PPP2R2B: variants seen among roughly 807,000 people sequenced by gnomAD.
PPP2R2B encodes protein phosphatase 2 regulatory subunit Bbeta, also known as serine/threonine-protein phosphatase 2A 55 kDa regulatory subunit B beta isoform.
In PPP2R2B, 5 loss-of-function variants were observed where a neutral mutation model predicts 46.0. That is an observed-to-expected ratio of 0.11 (90% CI 0.06 to 0.23). The LOEUF (loss-of-function observed/expected upper bound fraction) is 0.23. PPP2R2B is among the 10% of genes least tolerant of loss of function. PPP2R2B has a pLI of 1.00. For missense variants in PPP2R2B, 367 were observed against 575.0 expected (o/e 0.64, Z 3.70); for synonymous variants, 215 against 206.7 (o/e 1.04, Z -0.34).
At position 146,671,545 on chromosome 5, in the gene PPP2R2B, C is replaced by T. The variant is rs369336730; in HGVS notation, c.447+19583G>A. On this transcript the variant is annotated intron_variant, in intron 5 of 9. Coordinates refer to ENST00000394411, the MANE Select transcript of PPP2R2B (RefSeq NM_181675.4). ...AATCATGACACAGTAGTGCCTAATA[C>T]TTACTGTGGGCTTTCTGTGTGCCAC... 5.3e-5 allele frequency among the ~76,000 whole-genome samples: 8 copies of T among 152,202 alleles called. No homozygotes were observed. In the South Asian group the frequency reaches 1.7e-3, roughly 32 times the overall value.
At chr5:147,025,463 TAAAAA>T (rs920542874) in intron 1 of PPP2R2B, among the ~76,000 whole-genome samples, 1 of 144,762 alleles carries the variant, frequency 6.9e-6, no homozygotes, top group African/African-American at 2.5e-5. Context: ...ACATTACAAA[TAAAAA>T]AAAAACCCCG....
intron 2 of PPP2R2B, among the ~76,000 whole-genome samples, chr5:146,749,093 T>A (rs1753375060): frequency 6.6e-6 from 1 of 152,242 alleles, no homozygotes; most frequent in Admixed American, 6.5e-5. Context: ...TACCATTTCA[T>A]TTTAGCCACT....
intron 2 of PPP2R2B, among the ~76,000 whole-genome samples, chr5:146,826,827 A>T (rs1247856858): frequency 1.3e-5 from 2 of 152,096 alleles, no homozygotes; most frequent in Non-Finnish European, 2.9e-5. Context: ...CTTTCTCTGC[A>T]TACATATCAC....
At chr5:146,911,530 G>A (rs1428718426) in intron 1 of PPP2R2B, among the ~76,000 whole-genome samples, 1 of 152,202 alleles carries the variant, frequency 6.6e-6, no homozygotes. Flanking sequence ...CCTCACCACA[G>A]TAGCCTGCAA....
chr5:146,865,966 C>T (rs1435796487), intron 2 of PPP2R2B, among the ~76,000 whole-genome samples: 1 of 152,160 alleles, frequency 6.6e-6, no homozygotes, highest in Non-Finnish European at 1.5e-5. Flanking sequence ...ACTGTTTGGA[C>T]CTCTATTAGG....
intron 7 of PPP2R2B, among the ~76,000 whole-genome samples, chr5:146,637,076 A>G (rs1402787684): frequency 1.3e-5 from 2 of 152,244 alleles, no homozygotes; most frequent in Admixed American, 6.5e-5. Flanking sequence ...ACTGCCTTAT[A>G]CATTGTTCCT....
intron 1 of PPP2R2B, among the ~76,000 whole-genome samples, chr5:146,917,168 T>A (rs997598273): frequency 1.3e-5 from 2 of 152,190 alleles, no homozygotes; most frequent in African/African-American, 4.8e-5. Context: ...TTAAATTTAG[T>A]GGCAAAAGCA....
At chr5:146,744,033 G>T (rs141393891) in intron 2 of PPP2R2B, among the ~76,000 whole-genome samples, 1 of 152,094 alleles carries the variant, frequency 6.6e-6, no homozygotes, top group Admixed American at 6.6e-5. Flanking sequence ...TTCATACCAT[G>T]CCTGGAAATT....
chr5:146,861,481 G>A (rs921166703), intron 2 of PPP2R2B, among the ~76,000 whole-genome samples: 4 of 152,134 alleles, frequency 2.6e-5, no homozygotes, highest in East Asian at 1.9e-4. Context: ...GTGAGCCACC[G>A]CGCCCGTCGT....
At chr5:146,678,312 T>C (rs967317195) in intron 5 of PPP2R2B, among the ~76,000 whole-genome samples, 4 of 150,506 alleles carry the variant, frequency 2.7e-5, no homozygotes, top group African/African-American at 1.0e-4. Flanking sequence ...TCTCAATAGA[T>C]GCAGAAAAAG....
chr5:146,804,393 C>G lies in PPP2R2B; in HGVS notation c.70+73609G>C, dbSNP rs191574227. On this transcript the variant is annotated intron_variant, in intron 2 of 9. Coordinates refer to ENST00000394411, the MANE Select transcript of PPP2R2B (RefSeq NM_181675.4). Reference sequence around the variant, plus strand: ...GTGTCACTACTAGCATCTGGCAGACCCGGGACTGGAACCCAAGGCCATCTG... The same window carrying G: ...GTGTCACTACTAGCATCTGGCAGACGCGGGACTGGAACCCAAGGCCATCTG... Among the ~76,000 whole-genome samples the G allele has an allele frequency of 1.0e-3, 155 of 152,186 alleles. No homozygotes were observed. The East Asian group carries it at 0.016, about 15-fold the overall frequency.
chr5:146,684,480 G>C (rs1720708162), intron 5 of PPP2R2B, among the ~76,000 whole-genome samples: 1 of 152,180 alleles, frequency 6.6e-6, no homozygotes, highest in Admixed American at 6.5e-5. Context: ...CCTCTTTCTA[G>C]CTGTGTGATC....
chr5:146,854,372 T>A (rs962544298), intron 2 of PPP2R2B, among the ~76,000 whole-genome samples: 1 of 152,178 alleles, frequency 6.6e-6, no homozygotes, highest in Non-Finnish European at 1.5e-5. Context: ...GATCAAGTTA[T>A]GGTATTCGGG....
chr5:146,618,033 A>ATG (rs1773351050), intron 7 of PPP2R2B, among the ~76,000 whole-genome samples: 1 of 152,078 alleles, frequency 6.6e-6, no homozygotes, highest in Admixed American at 6.5e-5. Context: ...GAATAATGCC[A>ATG]TTGCCCCCAT....
At chr5:147,044,869 A>AG (rs1355521096) in intron 1 of PPP2R2B, among the ~76,000 whole-genome samples, 1 of 152,190 alleles carries the variant, frequency 6.6e-6, no homozygotes, top group Admixed American at 6.5e-5. Flanking sequence ...AAACATTCTT[A>AG]GTGGTTCTGT....
chr5:146,640,117 T>C (rs992954700), intron 6 of PPP2R2B, among the ~76,000 whole-genome samples: 2 of 152,262 alleles, frequency 1.3e-5, no homozygotes, highest in Admixed American at 6.5e-5. Flanking sequence ...AACATCACTA[T>C]GCTCCTGCTA....
chr5:146,849,984 A>G (rs1760243927), intron 2 of PPP2R2B, among the ~76,000 whole-genome samples: 1 of 152,182 alleles, frequency 6.6e-6, no homozygotes, highest in Admixed American at 6.5e-5. Context: ...AGACCTGAGA[A>G]CAGCCTTTGA....
intron 9 of PPP2R2B, among the ~76,000 whole-genome samples, chr5:146,590,432 A>G (rs1016528722): frequency 6.8e-6 from 1 of 146,402 alleles, no homozygotes; most frequent in Admixed American, 6.8e-5. Context: ...ACTGAAAGCA[A>G]TAGGATTTTT....
intron 2 of PPP2R2B, among the ~76,000 whole-genome samples, chr5:146,736,171 C>A (rs903989822): frequency 6.6e-6 from 1 of 152,154 alleles, no homozygotes; most frequent in Non-Finnish European, 1.5e-5. Context: ...TTCCTGCCTC[C>A]ATGTGAAGAA....
Sources: allele counts gnomAD v4.1 joint callset (sites outside exome capture counted in the v4.1 genomes callset), GRCh38; gene constraint gnomAD v4.1.1; transcripts MANE v1.5; gene names NCBI Gene and HGNC (gene_info 2026-07-23, HGNC 2026-07-21).